Variants in NECTIN3 observed in about 807,000 individuals in gnomAD.
NECTIN3 encodes nectin-3.
In NECTIN3, 8 loss-of-function variants were observed where a neutral mutation model predicts 49.4. The ratio of observed to expected loss-of-function variants is 0.16; its 90% confidence interval spans 0.10 to 0.29. The LOEUF (loss-of-function observed/expected upper bound fraction) is 0.29. Among genes scored for constraint, NECTIN3 ranks in the 10% least tolerant of loss-of-function variants. The pLI is 1.00. For missense variants in NECTIN3, 581 were observed against 654.6 expected, an observed-to-expected ratio of 0.89 and a Z score of 1.23; for synonymous variants, 277 against 241.1, an observed-to-expected ratio of 1.15 and a Z score of -1.38.
intron 1 of NECTIN3, among the ~76,000 whole-genome samples, chr3:111,081,550 T>A (rs1274788336): frequency 8.5e-5 from 13 of 152,312 alleles, no homozygotes. Context: ...TAAATTGCAA[T>A]AAAGTGCTAT....
chr3:111,131,680 AGAT>A (rs2034396182), intron 5 of NECTIN3, among the ~76,000 whole-genome samples: 1 of 151,960 alleles, frequency 6.6e-6, no homozygotes, highest in South Asian at 2.1e-4. Flanking sequence ...AATGGACAAT[AGAT>A]GACCATTTGT....
chr3:111,089,407 G>T (rs1056216178), intron 1 of NECTIN3, among the ~76,000 whole-genome samples: 5 of 107,426 alleles, frequency 4.7e-5, no homozygotes, highest in Admixed American at 8.3e-5. Flanking sequence ...AGCCTTTCTC[G>T]TGTGTGTGTG....
chr3:111,137,118 G>C lies in NECTIN3; in HGVS notation c.*2903G>C, dbSNP rs890201955. On this transcript the variant is annotated 3_prime_UTR_variant, in exon 6 of 6. Transcript: ENST00000485303. ...CAGTGTATAAGTACAGAAATTGAGA[G>C]AAATGTAGTCATTTTATATGTGAAA... is the stretch of plus-strand genomic sequence containing the variant. 1 of 977,620 alleles carries C rather than the reference G, an allele frequency of 1.0e-6. No individual in the cohort carries two copies. The highest frequency in any genetic ancestry group is 6.2e-5 in the Admixed American group (1 of 16,138). The allele number at this position is 977,620 out of a possible 1,614,324, so 60.6% of individuals were successfully genotyped here. A position where few individuals can be genotyped will look rare whatever the true frequency, so the allele number is the denominator to read the frequency against.
chr3:111,153,692 A>G (rs894625721), intron 7 of NECTIN3, among the ~76,000 whole-genome samples: 17 of 152,096 alleles, frequency 1.1e-4, no homozygotes, highest in Admixed American at 6.5e-5. Flanking sequence ...ACTTTGATTT[A>G]TTTAAACTTA....
intron 1 of NECTIN3, among the ~76,000 whole-genome samples, chr3:111,076,479 T>C (rs1035951436): frequency 6.6e-6 from 1 of 152,126 alleles, no homozygotes; most frequent in Non-Finnish European, 1.5e-5. Flanking sequence ...AATGAAACTT[T>C]AAAGACAGTT....
At chr3:111,163,311 GT>G (rs2035253240) in intron 7 of NECTIN3, among the ~76,000 whole-genome samples, 1 of 152,132 alleles carries the variant, frequency 6.6e-6, no homozygotes, top group Admixed American at 6.5e-5. Context: ...TGAAAGCTGT[GT>G]TACCATAAGA....
chr3:111,137,181 A>G lies in NECTIN3; in HGVS notation c.*2966A>G. ...AGTTTTTGATAAATACTGCTAAAAC[A>G]CAGTATATGAACAAGTAAGAAGTTT... On this transcript the variant is annotated 3_prime_UTR_variant, in exon 6 of 6. Coordinates refer to ENST00000485303, the MANE Select transcript of NECTIN3 (RefSeq NM_015480.3). 1 of 937,762 alleles carries G rather than the reference A, an allele frequency of 1.1e-6. No homozygotes were observed. The highest frequency in any genetic ancestry group is 1.3e-6 in the Non-Finnish European group (1 of 786,728). 58.1% of individuals were successfully genotyped at this position (937,762 alleles called of 1,614,324 possible).
intron 5 of NECTIN3, among the ~76,000 whole-genome samples, chr3:111,142,686 G>T (rs2034777476): frequency 1.3e-5 from 2 of 151,566 alleles, no homozygotes; most frequent in Non-Finnish European, 3.0e-5. Context: ...GAAGTTAAAG[G>T]CTTTCTTAGA....
chr3:111,169,398 A>G (rs1288137610), intron 7 of NECTIN3, among the ~76,000 whole-genome samples: 7 of 132,990 alleles, frequency 5.3e-5, no homozygotes, highest in African/African-American at 1.1e-4. Context: ...TTTTTTTTTT[A>G]AGAGCACAGT....
chr3:111,133,601 T>A, intron 5 of NECTIN3, 34 bp from the exon 6 acceptor site: 2 of 1,583,294 alleles, frequency 1.3e-6, no homozygotes, highest in Non-Finnish European at 1.7e-6. Flanking sequence ...TCTTTGCCTT[T>A]CTGTGTCTTC....
At chr3:111,176,715 AAATTT>A (rs2035536247) in intron 7 of NECTIN3, among the ~76,000 whole-genome samples, 1 of 151,866 alleles carries the variant, frequency 6.6e-6, no homozygotes, top group African/African-American at 2.4e-5. Context: ...TCATTCAATT[AAATTT>A]AAGATCCCCC....
chr3:111,089,355 T>C (rs531431764), intron 1 of NECTIN3, among the ~76,000 whole-genome samples: 1 of 151,994 alleles, frequency 6.6e-6, no homozygotes, highest in Non-Finnish European at 1.5e-5. Context: ...TTTCTTATTC[T>C]TTTTCTCATT....
At chr3:111,152,950 A>G (rs183308180) in intron 7 of NECTIN3, among the ~76,000 whole-genome samples, 200 of 152,076 alleles carry the variant, frequency 1.3e-3, no homozygotes, top group Admixed American at 3.5e-3. Flanking sequence ...TTTGTTAGTA[A>G]TCATTGATGG....
At position 111,160,625 on chromosome 3, in the gene NECTIN3, T is replaced by C. The variant is rs865855711; in HGVS notation, c.1221+13141T>C. On this transcript the variant is annotated intron_variant, in intron 7 of 8. Transcript: ENST00000493615. ...TTCACACTGTATAGATTTTTTTTCT[T>C]TTTGCAACCAAAGTGATGATCATAT... Among the ~76,000 whole-genome samples, 10 of 152,322 alleles carry C rather than the reference T, an allele frequency of 6.6e-5. No individual in the cohort carries two copies. In the South Asian group the frequency reaches 1.9e-3, roughly 28 times the overall value.
chr3:111,100,712 T>A lies in NECTIN3; in HGVS notation c.161-11318T>A, dbSNP rs945738366. On this transcript the variant is annotated intron_variant, in intron 1 of 5. Coordinates refer to ENST00000485303, the MANE Select transcript of NECTIN3 (RefSeq NM_015480.3). ...TAGTAATTTAAACTAACTTTAAGAC[T>A]TTTTTAAAAACTAATTTTGAAATTA... 4.1e-4 allele frequency among the ~76,000 whole-genome samples: 62 copies of A among 150,252 alleles called. 1 individual carries two copies. Among genetic ancestry groups the A allele is most frequent in the Admixed American group, 2.8e-3 (42 of 15,168 alleles).
chr3:111,186,787 A>G (rs73854927), intron 7 of NECTIN3, among the ~76,000 whole-genome samples: 5,898 of 152,296 alleles, frequency 0.039, 148 homozygotes, highest in African/African-American at 0.063. Context: ...TTATAACTCA[A>G]TAGAAATTGC....
intron 7 of NECTIN3, among the ~76,000 whole-genome samples, chr3:111,176,552 TC>T (rs2107529592): frequency 6.6e-6 from 1 of 152,336 alleles, no homozygotes; most frequent in African/African-American, 2.4e-5. Flanking sequence ...AAATTGGTGT[TC>T]CTGAAAGTTA....
chr3:111,132,777 T>C (rs903446173), intron 5 of NECTIN3, among the ~76,000 whole-genome samples: 8 of 151,918 alleles, frequency 5.3e-5, no homozygotes, highest in Admixed American at 2.6e-4. Flanking sequence ...CATCCTAAAG[T>C]AGTGACATTA....
At chr3:111,161,776 A>T (rs543762311) in intron 7 of NECTIN3, among the ~76,000 whole-genome samples, 2 of 152,120 alleles carry the variant, frequency 1.3e-5, no homozygotes, top group African/African-American at 2.4e-5. Context: ...GTTCTGGGGG[A>T]CAAAGTTAAC....
Sources: allele counts gnomAD v4.1 joint callset (sites outside exome capture counted in the v4.1 genomes callset), GRCh38; gene constraint gnomAD v4.1.1; transcripts MANE v1.5; gene names NCBI Gene and HGNC (gene_info 2026-07-23, HGNC 2026-07-21).